Variants in MRTFA observed in about 807,000 individuals in gnomAD.
MRTFA encodes the protein myocardin related transcription factor A.
MRTFA carries 20 observed loss-of-function variants against 83.5 expected under a neutral mutation model. The observed-to-expected ratio is 0.24, with a 90% CI of 0.17 to 0.35. The LOEUF is 0.35. Ranked by LOEUF, MRTFA falls within the 10% of genes least tolerant of loss-of-function variation. The pLI, the probability that MRTFA is intolerant of heterozygous loss-of-function variation, is 1.00. For missense variants in MRTFA, 1,200 were observed against 1,224.7 expected, an observed-to-expected ratio of 0.98 and a Z score of 0.30; for synonymous variants, 659 against 541.2, an observed-to-expected ratio of 1.22 and a Z score of -3.02.
chr22:40,489,464 T>C (rs1443651188), intron 3 of MRTFA, among the ~76,000 whole-genome samples: 2 of 151,916 alleles, frequency 1.3e-5, no homozygotes, highest in Non-Finnish European at 2.9e-5. Context: ...TACACCACCA[T>C]GCCCAGCTAA....
At chr22:40,555,437 C>T (rs1277817025) in intron 2 of MRTFA, among the ~76,000 whole-genome samples, 2 of 151,928 alleles carry the variant, frequency 1.3e-5, no homozygotes, top group African/African-American at 2.4e-5. Context: ...TGGCACTGCC[C>T]CCCTTCTTTC....
chr22:40,632,927 T>C (rs961167069), intron 1 of MRTFA, among the ~76,000 whole-genome samples: 3 of 152,206 alleles, frequency 2.0e-5, no homozygotes, highest in Non-Finnish European at 4.4e-5. Flanking sequence ...GCGGAGACTA[T>C]TTCCTTGATT....
chr22:40,582,732 C>A (rs1436850547), intron 2 of MRTFA, among the ~76,000 whole-genome samples: 1 of 151,896 alleles, frequency 6.6e-6, no homozygotes, highest in African/African-American at 2.4e-5. Flanking sequence ...ACTTTGATTC[C>A]CTGGGAAACT....
intron 4 of MRTFA, among the ~76,000 whole-genome samples, chr22:40,444,289 G>C (rs1208054003): frequency 6.6e-6 from 1 of 152,140 alleles, no homozygotes; most frequent in Non-Finnish European, 1.5e-5. Context: ...GGAAATAAAA[G>C]AACAGAGCCC....
chr22:40,463,327 T>C lies in MRTFA; in HGVS notation c.242-41A>G, dbSNP rs1362955666. ...GAGAGAGGAGAGATGAGGGGTCAGT[T>C]GGGTATTCCACCTCAAAAAACACAT... On this transcript the variant is annotated intron_variant, in intron 3 of 14. Transcript: ENST00000355630. 5 of 1,544,668 alleles carry C rather than the reference T, an allele frequency of 3.2e-6. No homozygotes were observed. The South Asian group carries it at 4.5e-5, about 14-fold the overall frequency.
rs1316348966 is a variant in MRTFA, at chr22:40,419,190, G to A, written c.1548C>T (p.Ser516=). 6 of 1,588,816 alleles carry A rather than the reference G, an allele frequency of 3.8e-6. No homozygotes were observed. The African/African-American group carries it at 8.1e-5, about 21-fold the overall frequency. The change falls in exon 12 of 15, where the codon AGC becomes AGT. Residue 516 remains serine, a synonymous_variant. Coordinates refer to ENST00000355630, the MANE Select transcript of MRTFA (RefSeq NM_020831.6). ...CTGCTGCCACCAGGGCTGGCCCCGT[G>A]CTCAGCCGGGCCGCTGGGAAGGCTA...
At position 40,488,600 on chromosome 22, in the gene MRTFA, G is replaced by A. The variant is rs189445077; in HGVS notation, c.242-25314C>T. Reference sequence around the variant, plus strand: ...TCCTCCCAGCTCTTTGAGAGGCCAAGGCGGGCGGATCAACTGAGGTCAGGA... The same window carrying A: ...TCCTCCCAGCTCTTTGAGAGGCCAAAGCGGGCGGATCAACTGAGGTCAGGA... On this transcript the variant is annotated intron_variant, in intron 3 of 14. Coordinates refer to ENST00000355630, the MANE Select transcript of MRTFA (RefSeq NM_020831.6). 3.9e-5 allele frequency among the ~76,000 whole-genome samples: 6 copies of A among 152,154 alleles called. No individual in the cohort carries two copies. The East Asian group carries it at 1.2e-3, about 29-fold the overall frequency.
intron 2 of MRTFA, among the ~76,000 whole-genome samples, chr22:40,565,321 A>T (rs2055686756): frequency 6.6e-6 from 1 of 152,116 alleles, no homozygotes; most frequent in Non-Finnish European, 1.5e-5. Flanking sequence ...CCAAGGCGGG[A>T]GGACCACTTG....
chr22:40,450,523 T>C (rs1276663576), intron 4 of MRTFA, among the ~76,000 whole-genome samples: 2 of 152,148 alleles, frequency 1.3e-5, no homozygotes, highest in Non-Finnish European at 2.9e-5. Context: ...TGGTGCAATC[T>C]GGGCTCACTG....
intron 3 of MRTFA, among the ~76,000 whole-genome samples, chr22:40,473,191 A>C (rs925484376): frequency 6.6e-6 from 1 of 152,062 alleles, no homozygotes; most frequent in Admixed American, 6.6e-5. Flanking sequence ...ACAGGTTCTC[A>C]CTCTGTTGTC....
intron 5 of MRTFA, among the ~76,000 whole-genome samples, chr22:40,432,828 C>T (rs1164705153): frequency 6.6e-6 from 1 of 152,190 alleles, no homozygotes; most frequent in African/African-American, 2.4e-5. Flanking sequence ...TATCACCCCA[C>T]GTGCAGTGGG....
At chr22:40,425,505 G>A (rs908606254) in intron 7 of MRTFA, among the ~76,000 whole-genome samples, 1 of 152,240 alleles carries the variant, frequency 6.6e-6, no homozygotes, top group African/African-American at 2.4e-5. Context: ...TTGCCCTCCA[G>A]GGCCAGGGCC....
At chr22:40,553,716 G>A (rs1403544779) in intron 2 of MRTFA, among the ~76,000 whole-genome samples, 4 of 152,176 alleles carry the variant, frequency 2.6e-5, no homozygotes, top group Non-Finnish European at 5.9e-5. Flanking sequence ...TGGGGTCGGA[G>A]CGCCCACACA....
chr22:40,419,737 G>T (rs569653314), intron 11 of MRTFA, among the ~76,000 whole-genome samples: 1 of 152,346 alleles, frequency 6.6e-6, no homozygotes, highest in East Asian at 1.9e-4. Flanking sequence ...CTGAGCTCAT[G>T]AAAGTAGGGC....
At chr22:40,419,506 A>AG in intron 11 of MRTFA, 122 bp from the exon 12 acceptor site, 1 of 826,200 alleles carries the variant, frequency 1.2e-6, no homozygotes, top group Non-Finnish European at 1.9e-6. Flanking sequence ...CTAATCCTCC[A>AG]GCAGCCTGGA....
At chr22:40,567,814 G>C (rs1438806776) in intron 2 of MRTFA, among the ~76,000 whole-genome samples, 1 of 152,162 alleles carries the variant, frequency 6.6e-6, no homozygotes, top group African/African-American at 2.4e-5. Context: ...GTTTTCACAT[G>C]ACAATGGGGC....
At chr22:40,420,704 T>C in intron 10 of MRTFA, 128 bp from the exon 11 acceptor site, 1 of 1,527,836 alleles carries the variant, frequency 6.5e-7, no homozygotes, top group Non-Finnish European at 8.8e-7. Flanking sequence ...AAGGCTAGGG[T>C]GGCCCTGCCT....
At chr22:40,584,685 G>A (rs1028080707) in intron 2 of MRTFA, among the ~76,000 whole-genome samples, 2 of 143,028 alleles carry the variant, frequency 1.4e-5, no homozygotes, top group African/African-American at 5.3e-5. Context: ...AGCCAAAATC[G>A]CACCATTGCA....
intron 3 of MRTFA, among the ~76,000 whole-genome samples, chr22:40,532,652 C>A (rs1165179336): frequency 6.6e-6 from 1 of 152,204 alleles, no homozygotes; most frequent in Non-Finnish European, 1.5e-5. Flanking sequence ...AGCATCTGAT[C>A]CTGTCTTCAA....
Sources: gnomAD v4.1 joint callset for allele counts (sites outside exome capture counted in the v4.1 genomes callset) on GRCh38, gnomAD v4.1.1 for gene constraint, MANE v1.5 for transcripts, NCBI Gene and HGNC (gene_info 2026-07-23, HGNC 2026-07-21) for gene names.